Variants in GLI3 observed in about 807,000 individuals in gnomAD.
GLI3 encodes GLI family zinc finger 3.
GLI3 carries 20 observed loss-of-function variants against 100.8 expected under a neutral mutation model. The ratio of observed to expected loss-of-function variants is 0.20; its 90% confidence interval spans 0.14 to 0.29. GLI3 has a LOEUF of 0.29. GLI3 is among the 10% of genes least tolerant of loss of function. The pLI is 1.00. For missense variants in GLI3, 2,040 were observed against 2,128.5 expected, an observed-to-expected ratio of 0.96 and a Z score of 0.82; for synonymous variants, 938 against 860.5, an observed-to-expected ratio of 1.09 and a Z score of -1.58.
At chr7:42,143,832 T>TG (rs1337794026) in intron 3 of GLI3, among the ~76,000 whole-genome samples, 1 of 152,184 alleles carries the variant, frequency 6.6e-6, no homozygotes, top group Non-Finnish European at 1.5e-5. Flanking sequence ...TAGGAGCAGT[T>TG]GGGGGCAGAA....
At chr7:42,010,522 C>T (rs1367950177) in intron 10 of GLI3, among the ~76,000 whole-genome samples, 1 of 152,118 alleles carries the variant, frequency 6.6e-6, no homozygotes, top group African/African-American at 2.4e-5. Flanking sequence ...GTGATTTTCA[C>T]CTGTGTTTTG....
At chr7:42,067,266 C>A (rs1051969405) in intron 4 of GLI3, among the ~76,000 whole-genome samples, 1 of 152,154 alleles carries the variant, frequency 6.6e-6, no homozygotes, top group Admixed American at 6.5e-5. Flanking sequence ...ATGTTAACGA[C>A]AATGGGTGCT....
In GLI3 at chr7:42,212,209, C is replaced by T. The variant is rs1226958732; in HGVS notation, c.124+10921G>A. 2.6e-5 allele frequency among the ~76,000 whole-genome samples: 4 copies of T among 152,178 alleles called. No individual in the cohort carries two copies. The East Asian group carries it at 7.7e-4, about 29-fold the overall frequency. On this transcript the variant is annotated intron_variant, in intron 2 of 14. Coordinates refer to ENST00000395925, the MANE Select transcript of GLI3 (RefSeq NM_000168.6). The stretch of plus-strand genomic sequence containing the variant: ...GTTTTTATTTTTAAAGATAAATATG[C>T]ACACAGAAATGACTCATCCTCTTGA...
intron 13 of GLI3, among the ~76,000 whole-genome samples, chr7:41,968,773 AAAG>A (rs1787290542): frequency 7.1e-6 from 1 of 140,178 alleles, no homozygotes; most frequent in Non-Finnish European, 1.6e-5. Flanking sequence ...GGAAAGAAAG[AAAG>A]AAAGAAAGAA....
At chr7:42,224,990 T>C (rs1342664753) in intron 1 of GLI3, among the ~76,000 whole-genome samples, 1 of 152,208 alleles carries the variant, frequency 6.6e-6, no homozygotes, top group African/African-American at 2.4e-5. Context: ...ATACATTTAA[T>C]TTCCAAGGGA....
chr7:41,971,560 T>TA (rs1340556576), intron 13 of GLI3, among the ~76,000 whole-genome samples: 1 of 152,172 alleles, frequency 6.6e-6, no homozygotes, highest in African/African-American at 2.4e-5. Context: ...CATGTCCTAT[T>TA]AGTCTCCAAA....
chr7:42,160,680 T>C (rs1202262570), intron 2 of GLI3, among the ~76,000 whole-genome samples: 2 of 152,142 alleles, frequency 1.3e-5, no homozygotes, highest in African/African-American at 4.8e-5. Context: ...TCACAGAATT[T>C]CTTTGGGCTG....
At chr7:42,168,388 C>T (rs1022376868) in intron 2 of GLI3, among the ~76,000 whole-genome samples, 9 of 152,042 alleles carry the variant, frequency 5.9e-5, no homozygotes, top group African/African-American at 2.2e-4. Context: ...CCAGGGGCAC[C>T]AAAAAACATG....
intron 4 of GLI3, among the ~76,000 whole-genome samples, chr7:42,050,360 T>C (rs1784329977): frequency 6.6e-6 from 1 of 152,244 alleles, no homozygotes; most frequent in African/African-American, 2.4e-5. Context: ...AAATGGCTTG[T>C]TTAAATAGAA....
At chr7:42,117,859 T>A (rs922147545) in intron 3 of GLI3, among the ~76,000 whole-genome samples, 1 of 152,150 alleles carries the variant, frequency 6.6e-6, no homozygotes, top group Non-Finnish European at 1.5e-5. Flanking sequence ...ACCCTACATA[T>A]CACTGCAGAT....
rs968893396 is a variant in GLI3, at chr7:42,040,326, G to A, written c.827-87C>T. 4.0e-6 allele frequency: 4 copies of A among 996,860 alleles called. 1 individual carries two copies. Among genetic ancestry groups the A allele is most frequent in the South Asian group, 2.7e-5 (2 of 75,376 alleles). 61.8% of individuals were successfully genotyped at this position (996,860 alleles called of 1,614,324 possible). A position where few individuals can be genotyped will look rare whatever the true frequency, so the allele number is the denominator to read the frequency against. On this transcript the variant is annotated intron_variant, in intron 6 of 14. Coordinates refer to ENST00000395925, the MANE Select transcript of GLI3 (RefSeq NM_000168.6). ...TGCTACTTGCCTACGTGGAAGAAGT[G>A]AAGGATAAGAAGCTGGCAACTTGCG...
At chr7:42,026,817 C>CA (rs1436051813) in intron 7 of GLI3, among the ~76,000 whole-genome samples, 2 of 152,220 alleles carry the variant, frequency 1.3e-5, no homozygotes, top group African/African-American at 4.8e-5. Context: ...TGCACGCTTT[C>CA]ATATGTCTCC....
chr7:42,114,402 A>G (rs187617500), intron 3 of GLI3, among the ~76,000 whole-genome samples: 174 of 152,128 alleles, frequency 1.1e-3, no homozygotes, highest in African/African-American at 4.0e-3. Context: ...TTGCTTATGG[A>G]ACATATCTTT....
At chr7:42,241,025 A>T (rs1228934200), upstream of GLI3, among the ~76,000 whole-genome samples, 1 of 152,186 alleles carries the variant, frequency 6.6e-6, no homozygotes, top group African/African-American at 2.4e-5. Context: ...AATAAACTTC[A>T]AGTTGCATGG....
intron 1 of GLI3, among the ~76,000 whole-genome samples, chr7:42,245,845 G>T (rs6945383): frequency 6.7e-6 from 1 of 149,836 alleles, no homozygotes; most frequent in Admixed American, 6.7e-5. Context: ...GGATAGGATC[G>T]CAACAAACAT....
chr7:42,031,114 C>T (rs1789281983), intron 7 of GLI3, among the ~76,000 whole-genome samples: 1 of 152,094 alleles, frequency 6.6e-6, no homozygotes, highest in South Asian at 2.1e-4. Flanking sequence ...TCCTCATAGC[C>T]TCCATGTTTC....
chr7:42,225,250 C>G (rs954787399), intron 1 of GLI3, among the ~76,000 whole-genome samples: 2 of 152,196 alleles, frequency 1.3e-5, no homozygotes, highest in Non-Finnish European at 2.9e-5. Flanking sequence ...CATTCAGATT[C>G]CTGCAATGCA....
intron 2 of GLI3, among the ~76,000 whole-genome samples, chr7:42,168,254 CA>C (rs1426103349): frequency 1.3e-5 from 2 of 152,110 alleles, no homozygotes; most frequent in Non-Finnish European, 1.5e-5. Flanking sequence ...CAAGGAAAGA[CA>C]AAAACACTGT....
chr7:42,145,437 C>A, intron 3 of GLI3: 1 of 397,448 alleles, frequency 2.5e-6, no homozygotes, highest in Non-Finnish European at 4.4e-6. Context: ...TCTTCACTTA[C>A]AAAACAGAAA....
Sources: allele counts gnomAD v4.1 joint callset (sites outside exome capture counted in the v4.1 genomes callset), GRCh38; gene constraint gnomAD v4.1.1; transcripts MANE v1.5; gene names NCBI Gene and HGNC (gene_info 2026-07-23, HGNC 2026-07-21).